NME7: variants seen among roughly 807,000 people sequenced by gnomAD.
The protein encoded by NME7 is nucleoside diphosphate kinase 7.
In NME7, 41 loss-of-function variants were observed where a neutral mutation model predicts 49.1. That is an observed-to-expected ratio of 0.83 (90% CI 0.65 to 1.08). NME7 has a LOEUF of 1.08. Ranked by LOEUF, NME7 falls within the 50% of genes least tolerant of loss-of-function variation. The probability of loss-of-function intolerance (pLI) is 0.00; values close to 1 mark genes in which losing one functional copy is unlikely to be tolerated. For synonymous variants in NME7, 139 were observed against 150.6 expected (o/e 0.92, Z 0.56); for missense variants, 423 against 463.4 (o/e 0.91, Z 0.80).
chr1:169,338,971 C>G (rs1441708092), intron 1 of NME7, among the ~76,000 whole-genome samples: 1 of 150,462 alleles, frequency 6.6e-6, no homozygotes, highest in African/African-American at 2.5e-5. Context: ...CAAATTGTCT[C>G]TCTAATAAAA....
At chr1:169,355,846 T>C (rs551207439) in intron 1 of NME7, among the ~76,000 whole-genome samples, 46 of 152,284 alleles carry the variant, frequency 3.0e-4, no homozygotes, top group African/African-American at 1.0e-3. Context: ...CCAGAAATTT[T>C]AGCTCCATAA....
intron 1 of NME7, among the ~76,000 whole-genome samples, chr1:169,350,080 T>C (rs980376298): frequency 1.3e-5 from 2 of 151,212 alleles, no homozygotes; most frequent in Non-Finnish European, 2.9e-5. Flanking sequence ...TAATCCCAGC[T>C]ACTCAGGAGG....
intron 10 of NME7, among the ~76,000 whole-genome samples, chr1:169,203,805 TATA>T (rs1474957898): frequency 1.3e-5 from 2 of 152,084 alleles, no homozygotes; most frequent in Admixed American, 1.3e-4. Context: ...AAGGAGTAGG[TATA>T]ATGAGATGTG....
intron 10 of NME7, among the ~76,000 whole-genome samples, chr1:169,191,227 G>A (rs932168097): frequency 2.0e-5 from 3 of 152,116 alleles, no homozygotes; most frequent in Non-Finnish European, 4.4e-5. Context: ...TACCCTTAAC[G>A]TGTTTTCTAT....
At position 169,196,110 on chromosome 1, in the gene NME7, T is replaced by C. The variant is rs190582560; in HGVS notation, c.991-26556A>G. Among the ~76,000 whole-genome samples the C allele has an allele frequency of 1.6e-3, 248 of 152,318 alleles. 2 individuals are homozygous for C. Among genetic ancestry groups the C allele is most frequent in the African/African-American group, 5.6e-3 (233 of 41,586 alleles). ...ATTTCTGCGAATAAATTGTGGATGA[T>C]ATATGGATGGTGTTTCATTGTTGTT... On this transcript the variant is annotated intron_variant, in intron 10 of 11. Transcript: ENST00000367811.
intron 10 of NME7, among the ~76,000 whole-genome samples, chr1:169,200,919 A>G (rs1660529391): frequency 6.6e-6 from 1 of 152,166 alleles, no homozygotes; most frequent in Non-Finnish European, 1.5e-5. Flanking sequence ...CTGAATGATA[A>G]TAAAACTGAC....
At chr1:169,256,480 A>C (rs1377500618) in intron 7 of NME7, among the ~76,000 whole-genome samples, 2 of 133,040 alleles carry the variant, frequency 1.5e-5, no homozygotes, top group Non-Finnish European at 3.5e-5. Flanking sequence ...TCTTTTTCAA[A>C]GTTTTCAACT....
chr1:169,287,478 G>T, intron 6 of NME7, 70 bp from the exon 7 acceptor site: 1 of 1,085,348 alleles, frequency 9.2e-7, no homozygotes, highest in Non-Finnish European at 1.3e-6. Flanking sequence ...ATTTCTGTGG[G>T]GGAGGAGAAT....
At chr1:169,262,052 C>T (rs1241877289) in intron 7 of NME7, among the ~76,000 whole-genome samples, 1 of 134,030 alleles carries the variant, frequency 7.5e-6, no homozygotes, top group African/African-American at 2.5e-5. Flanking sequence ...TGTAGAGTCT[C>T]CTCCTATACT....
chr1:169,222,370 G>C (rs1661171052), intron 10 of NME7, among the ~76,000 whole-genome samples: 1 of 152,094 alleles, frequency 6.6e-6, no homozygotes, highest in Admixed American at 6.5e-5. Context: ...ATTTATGAAT[G>C]CATGAATGAT....
intron 1 of NME7, among the ~76,000 whole-genome samples, chr1:169,338,225 AAATATTTTCAACAG>A (rs1450081111): frequency 5.3e-5 from 8 of 152,218 alleles, no homozygotes; most frequent in Non-Finnish European, 7.3e-5. Context: ...TCTTTTGAAA[AAATATTTTCAACAG>A]AATTCCACAT....
intron 10 of NME7, among the ~76,000 whole-genome samples, chr1:169,182,470 C>T (rs1486537960): frequency 1.3e-4 from 20 of 152,076 alleles, no homozygotes; most frequent in Admixed American, 1.3e-3. Flanking sequence ...TAAGACTCCT[C>T]TCTCTCCCTT....
intron 11 of NME7, among the ~76,000 whole-genome samples, chr1:169,164,352 C>A (rs1659343146): frequency 6.6e-6 from 1 of 152,140 alleles, no homozygotes; most frequent in African/African-American, 2.4e-5. Flanking sequence ...AAGAAAAAAT[C>A]TCTTCCCTAC....
chr1:169,287,129 TAGAG>T (rs1487590269), intron 7 of NME7, 170 bp downstream of exon 7: 1 of 557,918 alleles, frequency 1.8e-6, no homozygotes. Context: ...AAAAGACAAA[TAGAG>T]ATTTAGACAG....
At chr1:169,135,425 C>T (rs911452837) in intron 11 of NME7, among the ~76,000 whole-genome samples, 3 of 152,156 alleles carry the variant, frequency 2.0e-5, no homozygotes, top group Non-Finnish European at 4.4e-5. Context: ...ATATTTGGCT[C>T]ACAGAGGAGA....
At position 169,309,884 on chromosome 1, in the gene NME7, A is replaced by C. The variant is rs183935221; in HGVS notation, c.389+86T>G. On this transcript the variant is annotated intron_variant, in intron 4 of 11. Coordinates refer to ENST00000367811, the MANE Select transcript of NME7 (RefSeq NM_013330.5). ...TTTGTCATTCAATACGAGGTTTTTT[A>C]ATTTTAAACAATGACAAGAAAGACA... 339 of 832,714 alleles carry C rather than the reference A, an allele frequency of 4.1e-4. 1 individual carries two copies. In the African/African-American group the frequency reaches 5.6e-3, roughly 14 times the overall value. The allele number at this position is 832,714 out of a possible 1,614,324, so 51.6% of individuals were successfully genotyped here.
chr1:169,190,009 A>G (rs1217056086), intron 10 of NME7, among the ~76,000 whole-genome samples: 1 of 152,224 alleles, frequency 6.6e-6, no homozygotes, highest in African/African-American at 2.4e-5. Flanking sequence ...AAACTATGAA[A>G]TAATATAAGT....
chr1:169,347,118 C>T (rs1004842573), intron 1 of NME7, among the ~76,000 whole-genome samples: 4 of 152,126 alleles, frequency 2.6e-5, no homozygotes, highest in African/African-American at 7.2e-5. Flanking sequence ...GGCTGAGGCA[C>T]GAAGATCACT....
In NME7 at chr1:169,181,162, CTAT is replaced by C. The variant is rs766591751; in HGVS notation, c.991-11611_991-11609del. ...TCTATCTATCTATCTATCTATCTAT[CTAT>C]CTATCATCTATCTACCTACCTATCT... On this transcript the variant is annotated intron_variant, in intron 10 of 11. Coordinates refer to ENST00000367811, the MANE Select transcript of NME7 (RefSeq NM_013330.5). Among the ~76,000 whole-genome samples the C allele has an allele frequency of 2.0e-5, 3 of 150,906 alleles. No homozygotes were observed. In the South Asian group the frequency reaches 6.3e-4, roughly 32 times the overall value.
Sources: gnomAD v4.1 joint callset for allele counts (sites outside exome capture counted in the v4.1 genomes callset) on GRCh38, gnomAD v4.1.1 for gene constraint, MANE v1.5 for transcripts, NCBI Gene and HGNC (gene_info 2026-07-23, HGNC 2026-07-21) for gene names.